RABGEF1: variants seen among roughly 807,000 people sequenced by gnomAD.
RABGEF1 encodes the protein rab5 GDP/GTP exchange factor.
Under a neutral mutation model 57.3 loss-of-function variants are expected in RABGEF1, and 26 were observed. That is an observed-to-expected ratio of 0.45 (90% CI 0.33 to 0.63). The LOEUF is 0.63. RABGEF1 is among the 20% of genes least tolerant of loss of function. The pLI, the probability that RABGEF1 is intolerant of heterozygous loss-of-function variation, is 0.02. For missense variants in RABGEF1, 464 were observed against 607.6 expected (o/e 0.76, Z 2.48); for synonymous variants, 185 against 210.7 (o/e 0.88, Z 1.06).
chr7:66,654,635 C>G, the RABGEF1 span: 1 of 152,536 alleles, frequency 6.6e-6, no homozygotes, highest in African/African-American at 2.4e-5. Flanking sequence ...AGGTACGGAA[C>G]GGACGGACTG....
chr7:66,803,131 G>C (rs1787665371), intron 7 of RABGEF1, among the ~76,000 whole-genome samples: 1 of 152,150 alleles, frequency 6.6e-6, no homozygotes, highest in Non-Finnish European at 1.5e-5. Flanking sequence ...AGGATTAAAG[G>C]AAGCAAACAA....
At chr7:66,781,612 C>T (rs576059208) in intron 3 of RABGEF1, among the ~76,000 whole-genome samples, 3 of 152,278 alleles carry the variant, frequency 2.0e-5, no homozygotes, top group South Asian at 2.1e-4. Flanking sequence ...TGGTTCTACA[C>T]GTTACTTGGT....
At chr7:66,675,623 C>T in the RABGEF1 span, among the ~76,000 whole-genome samples, 4 of 151,886 alleles carry the variant, frequency 2.6e-5, no homozygotes, top group Non-Finnish European at 4.4e-5. Context: ...AGATTCAGAT[C>T]GGAAAGGAAG....
intron 1 of RABGEF1, among the ~76,000 whole-genome samples, chr7:66,751,701 C>T (rs1175542284): frequency 1.3e-5 from 2 of 152,194 alleles, no homozygotes; most frequent in South Asian, 2.1e-4. Context: ...AGTCCCTCCC[C>T]GACAGAGGTT....
At chr7:66,755,650 T>G (rs1203560185) in intron 1 of RABGEF1, among the ~76,000 whole-genome samples, 2 of 152,292 alleles carry the variant, frequency 1.3e-5, no homozygotes, top group Non-Finnish European at 1.5e-5. Context: ...GCATAGAGAA[T>G]GGTACAAAGT....
At chr7:66,724,281 A>G (rs1440141131) in intron 2 of RABGEF1, among the ~76,000 whole-genome samples, 1 of 150,718 alleles carries the variant, frequency 6.6e-6, no homozygotes, top group African/African-American at 2.4e-5. Context: ...TGCTTTTAAG[A>G]TTTTTCTCTT....
At chr7:66,752,646 C>T (rs536940211) in intron 1 of RABGEF1, among the ~76,000 whole-genome samples, 1 of 152,310 alleles carries the variant, frequency 6.6e-6, no homozygotes, top group South Asian at 2.1e-4. Flanking sequence ...CAGTGGTTCT[C>T]AAAGGTAGTT....
At chr7:66,726,496 T>A (rs1796598209) in intron 2 of RABGEF1, among the ~76,000 whole-genome samples, 2 of 152,106 alleles carry the variant, frequency 1.3e-5, no homozygotes, top group Admixed American at 1.3e-4. Context: ...TCCAAGTAGC[T>A]GAGACTACAG....
At chr7:66,790,830 G>GT (rs1164207210) in intron 4 of RABGEF1, among the ~76,000 whole-genome samples, 2 of 152,166 alleles carry the variant, frequency 1.3e-5, no homozygotes, top group African/African-American at 4.8e-5. Flanking sequence ...CACTTACTTA[G>GT]TAAAAAAGGC....
Position 66,697,001 on chromosome 7 carries a change from CAG to C in RABGEF1, c.-873+14750_-873+14751del, listed in dbSNP as rs546083285. Among the ~76,000 whole-genome samples the C allele has an allele frequency of 8.1e-4, 124 of 152,258 alleles. 1 individual carries two copies. Among genetic ancestry groups the C allele is most frequent in the Non-Finnish European group, 1.5e-3 (100 of 68,006 alleles). Reference sequence around the variant, plus strand: ...CATGGTGCAGCCAATGTGCGTGGAGCAGAGAGAGGACTGCAGAAGGAGGCACC... The same window carrying C: ...CATGGTGCAGCCAATGTGCGTGGAGCAGAGAGGACTGCAGAAGGAGGCACC... On this transcript the variant is annotated intron_variant and NMD_transcript_variant, in intron 1 of 9. Transcript: ENST00000607882.
At chr7:66,678,580 A>G (rs1223957864), upstream of RABGEF1, among the ~76,000 whole-genome samples, 30 of 151,656 alleles carry the variant, frequency 2.0e-4, no homozygotes, top group East Asian at 5.8e-4. Flanking sequence ...AAAAAAAAAA[A>G]AAAAGAAAAG....
chr7:66,759,115 AG>A (rs1173641927), intron 1 of RABGEF1, among the ~76,000 whole-genome samples: 2 of 152,254 alleles, frequency 1.3e-5, no homozygotes, highest in Non-Finnish European at 2.9e-5. Context: ...GTCAAGATAC[AG>A]AACTATTCCA....
At chr7:66,662,958 G>A in the RABGEF1 span, among the ~76,000 whole-genome samples, 2 of 152,226 alleles carry the variant, frequency 1.3e-5, no homozygotes, top group Admixed American at 1.3e-4. Context: ...GCAGGCATGT[G>A]TGTGCAGGTG....
chr7:66,692,609 G>A (rs1468157448), intron 1 of RABGEF1, among the ~76,000 whole-genome samples: 1 of 152,140 alleles, frequency 6.6e-6, no homozygotes. Context: ...TGAGATCTGG[G>A]GCCGAGCAGT....
At chr7:66,706,291 G>A (rs1219332204) in intron 1 of RABGEF1, among the ~76,000 whole-genome samples, 1 of 152,034 alleles carries the variant, frequency 6.6e-6, no homozygotes, top group African/African-American at 2.4e-5. Flanking sequence ...TTTTATACAT[G>A]TCTTAGTATG....
At chr7:66,666,908 C>G in the RABGEF1 span, among the ~76,000 whole-genome samples, 3 of 152,170 alleles carry the variant, frequency 2.0e-5, no homozygotes, top group African/African-American at 7.2e-5. Context: ...CAGACACAGC[C>G]TCTCCACCAC....
At chr7:66,687,496 AAAAG>A (rs926180547) in intron 1 of RABGEF1, among the ~76,000 whole-genome samples, 22 of 151,020 alleles carry the variant, frequency 1.5e-4, no homozygotes, top group Admixed American at 1.3e-4. Context: ...AAAAAAAAAA[AAAAG>A]AAAGAAAAAA....
intron 1 of RABGEF1, among the ~76,000 whole-genome samples, chr7:66,768,079 G>T (rs778926596): frequency 6.6e-6 from 1 of 152,152 alleles, no homozygotes; most frequent in Admixed American, 6.5e-5. Context: ...AACCGTTTGC[G>T]TATAGAATTT....
At chr7:66,719,858 A>G (rs1385272695) in intron 2 of RABGEF1, among the ~76,000 whole-genome samples, 2 of 152,204 alleles carry the variant, frequency 1.3e-5, no homozygotes, top group East Asian at 3.8e-4. Flanking sequence ...CAGAAGTTAT[A>G]TGGCCTGCAA....
Sources: allele counts gnomAD v4.1 joint callset (sites outside exome capture counted in the v4.1 genomes callset), GRCh38; gene constraint gnomAD v4.1.1; transcripts MANE v1.5; gene names NCBI Gene and HGNC (gene_info 2026-07-23, HGNC 2026-07-21).